The following GBP3 variants were observed in gnomAD, a reference collection of about 807,000 sequenced individuals.
GBP3 encodes guanylate-binding protein 3.
GBP3 carries 55 observed loss-of-function variants against 62.4 expected under a neutral mutation model. The observed-to-expected ratio is 0.88, with a 90% CI of 0.71 to 1.10. GBP3 has a LOEUF of 1.10. Ranked by LOEUF, GBP3 falls within the 50% of genes least tolerant of loss-of-function variation. GBP3 has a pLI of 0.00. For synonymous variants in GBP3, 208 were observed against 259.2 expected, an observed-to-expected ratio of 0.80 and a Z score of 1.90; for missense variants, 605 against 690.6, an observed-to-expected ratio of 0.88 and a Z score of 1.39.
chr1:89,021,796 A>AGAGAG (rs1679239479), intron 1 of GBP3, among the ~76,000 whole-genome samples: 1 of 123,278 alleles, frequency 8.1e-6, no homozygotes. Context: ...GATGAGAGAG[A>AGAGAG]GAGAGAGAGA....
At chr1:89,014,798 A>G in intron 3 of GBP3, 142 bp from the exon 4 acceptor site, 2 of 1,020,726 alleles carry the variant, frequency 2.0e-6, no homozygotes, top group African/African-American at 1.6e-5. Context: ...TCCAAACAAA[A>G]TGATTGTTAC....
chr1:89,008,885 TG>T (rs1678386115), intron 10 of GBP3, 61 bp downstream of exon 10: 2 of 1,610,852 alleles, frequency 1.2e-6, no homozygotes, highest in African/African-American at 2.7e-5. Context: ...ATACTAAGTT[TG>T]TGATCAGGAA....
chr1:89,016,772 C>T (rs1678910610), intron 2 of GBP3, among the ~76,000 whole-genome samples: 1 of 152,186 alleles, frequency 6.6e-6, no homozygotes, highest in Non-Finnish European at 1.5e-5. Flanking sequence ...ATGGGGTTTC[C>T]CCGTGTTGTC....
At chr1:89,013,118 A>G in intron 6 of GBP3, 67 bp downstream of exon 6, 1 of 1,547,286 alleles carries the variant, frequency 6.5e-7, no homozygotes, top group Non-Finnish European at 8.8e-7. Context: ...GATTACAGGC[A>G]TGAACCATCA....
At position 89,010,936 on chromosome 1, in the gene GBP3, T is replaced by G. The variant is rs1462403469; in HGVS notation, c.1330A>C (p.Lys444Gln). The G allele has an allele frequency of 5.5e-6, 8 of 1,461,658 alleles. 3 individuals carry two copies. In the Admixed American group the frequency reaches 7.2e-5, roughly 13 times the overall value. The allele number at this position is 1,461,658 out of a possible 1,614,324, so 90.5% of individuals were successfully genotyped here. ...FIQKLQDLEK[K>Q]YYEEPRKGIQ... ...CCCTTCCTTGGTTCCTCATAGTACT[T>G]TTTCTCCAGGTCTTGTAGCTTCTGA... The change falls in exon 8 of 11, where the codon AAG becomes CAG. Residue 444 changes from lysine (K) to glutamine (Q), a missense_variant. Around this residue, in one of 3 missense-constraint regions of GBP3, gnomAD observed 137 missense variants for 224.7 expected, o/e 0.61. Coordinates refer to ENST00000370481, the MANE Select transcript of GBP3 (RefSeq NM_018284.3).
Position 89,013,403 on chromosome 1 carries a change from A to C in GBP3, c.650T>G (p.Phe217Cys). The C allele has an allele frequency of 1.2e-6, 2 of 1,611,604 alleles. No individual in the cohort carries two copies. Among genetic ancestry groups the C allele is most frequent in the Non-Finnish European group, 1.7e-6 (2 of 1,179,314 alleles). ...TQGTSQKDKN[F>C]NLPRLCIRKF... ...CCGGATACAGAGTCGGGGCAGATTA[A>C]AATTTTTATCTTTTTGACTGGTACC... The change falls in exon 6 of 11, where the codon TTT (phenylalanine) becomes TGT (cysteine). Residue 217 changes from phenylalanine to cysteine, a missense_variant. Phe to Cys is a radical substitution (Grantham distance 205). This residue lies in a region of GBP3 where 308 missense variants were observed against 318.0 expected (regional missense o/e 0.97). Coordinates refer to ENST00000370481, the MANE Select transcript of GBP3 (RefSeq NM_018284.3).
chr1:89,007,666 A>G lies in GBP3; in HGVS notation c.*58T>C. 1 of 1,531,456 alleles carries G rather than the reference A, an allele frequency of 6.5e-7. No homozygotes were observed. Among genetic ancestry groups the G allele is most frequent in the Non-Finnish European group, 8.9e-7 (1 of 1,129,464 alleles). The allele number at this position is 1,531,456 out of a possible 1,614,324, so 94.9% of individuals were successfully genotyped here. A position where few individuals can be genotyped will look rare whatever the true frequency, so the allele number is the denominator to read the frequency against. ...TATCAAATATAGTGACACTTGTTCC[A>G]AATTCTAAAATTGTTTCAGTTATGC... On this transcript the variant is annotated 3_prime_UTR_variant, in exon 11 of 11. Transcript: ENST00000370481.
intron 1 of GBP3, among the ~76,000 whole-genome samples, chr1:89,021,545 C>CACACACACACACA (rs1553178197): frequency 4.2e-5 from 2 of 47,516 alleles, no homozygotes; most frequent in African/African-American, 7.7e-5. Flanking sequence ...CACACACACA[C>CACACACACACACA]CCCAAAAAAA....
At chr1:89,010,861 T>C (rs749267299) in intron 8 of GBP3, 43 bp downstream of exon 8, 2 of 1,461,198 alleles carry the variant, frequency 1.4e-6, no homozygotes, top group South Asian at 2.4e-5. Context: ...TCGTAGGAGG[T>C]AGGTCAGCAG....
rs1349137511 is a variant in GBP3, at chr1:89,011,991, A to G, written c.905T>C (p.Ile302Thr). The change falls in exon 7 of 11, where the codon ATC (isoleucine) becomes ACC (threonine). Residue 302 changes from isoleucine (I) to threonine (T), a missense_variant. Transcript: ENST00000370481. ...ESLVLTYINA[I>T]SRGDLPCMEN... is the part of the protein sequence containing the mutation. ...CATGCAGGGCAGATCCCCTCTGCTG[A>G]TAGCATTGATATAGGTCAGCACTAG... 4 of 1,462,560 alleles carry G rather than the reference A, an allele frequency of 2.7e-6. 1 individual carries two copies. The highest frequency in any genetic ancestry group is 2.3e-5 in the East Asian group (1 of 43,224). 90.6% of individuals were successfully genotyped at this position (1,462,560 alleles called of 1,614,324 possible). A position where few individuals can be genotyped will look rare whatever the true frequency, so the allele number is the denominator to read the frequency against.
chr1:89,011,811 G>A lies in GBP3; in HGVS notation c.1085C>T (p.Ala362Val). ...LDLHRVSERE[A>V]TEVYMKNSFK... ...AGAGTTCTTCATATAGACTTCAGTGGCCTCCCTCTCACTAACCCTGTGCAG... is the reference window on the plus strand; with the variant it reads ...AGAGTTCTTCATATAGACTTCAGTGACCTCCCTCTCACTAACCCTGTGCAG... The change falls in exon 7 of 11, where the codon GCC (alanine) becomes GTC (valine). Residue 362 changes from alanine (A) to valine (V), a missense_variant. By Grantham distance (64) the Ala-to-Val change is moderately conservative. Coordinates refer to ENST00000370481, the MANE Select transcript of GBP3 (RefSeq NM_018284.3). 1 of 1,462,098 alleles carries A rather than the reference G, an allele frequency of 6.8e-7. No individual in the cohort carries two copies. The highest frequency in any genetic ancestry group is 1.2e-5 in the South Asian group (1 of 84,770). 90.6% of individuals were successfully genotyped at this position (1,462,098 alleles called of 1,614,324 possible). A position where few individuals can be genotyped will look rare whatever the true frequency, so the allele number is the denominator to read the frequency against.
At chr1:89,021,544 A>ACCC (rs57313061) in intron 1 of GBP3, among the ~76,000 whole-genome samples, 1 of 140,948 alleles carries the variant, frequency 7.1e-6, no homozygotes, top group Non-Finnish European at 1.6e-5. Flanking sequence ...ACACACACAC[A>ACCC]CCCCAAAAAA....
intron 1 of GBP3, among the ~76,000 whole-genome samples, chr1:89,021,082 T>G (rs1046607912): frequency 2.0e-5 from 3 of 152,156 alleles, no homozygotes; most frequent in Non-Finnish European, 4.4e-5. Context: ...TGGCTATATG[T>G]AAGAAATTAA....
chr1:89,009,385 T>G lies in GBP3; in HGVS notation c.1465+7A>C, dbSNP rs1678423967. ...AGGATAATCTGATCCTTTGACTTGCTCCTCACCTTCAATCTCCTTTTCCTT... is the reference window on the plus strand; with the variant it reads ...AGGATAATCTGATCCTTTGACTTGCGCCTCACCTTCAATCTCCTTTTCCTT... On this transcript the variant is annotated splice_region_variant and intron_variant, in intron 9 of 10. Coordinates refer to ENST00000370481, the MANE Select transcript of GBP3 (RefSeq NM_018284.3). The G allele has an allele frequency of 6.2e-7, 1 of 1,613,006 alleles. No homozygotes were observed. The highest frequency in any genetic ancestry group is 1.3e-5 in the African/African-American group (1 of 74,906).
At chr1:89,021,830 AGAAAG>A (rs1679248358) in intron 1 of GBP3, among the ~76,000 whole-genome samples, 8 of 107,510 alleles carry the variant, frequency 7.4e-5, no homozygotes, top group Admixed American at 6.9e-4. Context: ...AGAGAGAGAG[AGAAAG>A]TGCCAGCAAG....
chr1:89,021,510 G>GCGCGCGCGCACACA (rs751639388), intron 1 of GBP3, among the ~76,000 whole-genome samples: 11 of 131,738 alleles, frequency 8.3e-5, no homozygotes, highest in African/African-American at 3.3e-4. Flanking sequence ...GCGCGCGCGC[G>GCGCGCGCGCACACA]CACACACACA....
intron 10 of GBP3, among the ~76,000 whole-genome samples, 170 bp from the exon 11 acceptor site, chr1:89,008,022 T>C (rs1678329996): frequency 6.6e-6 from 1 of 152,162 alleles, no homozygotes; most frequent in African/African-American, 2.4e-5. Context: ...TGTGATTATT[T>C]CTCCTGGGTT....
Position 89,014,536 on chromosome 1 carries a change from C to A in GBP3, c.428+11G>T. 2 of 1,614,058 alleles carry A rather than the reference C, an allele frequency of 1.2e-6. No homozygotes were observed. The highest frequency in any genetic ancestry group is 3.3e-5 in the Admixed American group (2 of 60,014). ...CTGACCTTGGTGCTGTTCTGGGTCA[C>A]AAAAGGATACTACAGTTGGTCCATA... is the stretch of plus-strand genomic sequence containing the variant. On this transcript the variant is annotated intron_variant, in intron 4 of 10. Transcript: ENST00000370481.
rs1287041223 is a variant in GBP3, at chr1:89,022,845, A to G, written c.-184T>C. The G allele has an allele frequency of 6.6e-6, 1 of 152,234 alleles. No homozygotes were observed. The highest frequency in any genetic ancestry group is 2.4e-5 in the African/African-American group (1 of 41,462). The allele number at this position is 152,234 out of a possible 1,614,324, so 9.4% of individuals were successfully genotyped here. On this transcript the variant is annotated 5_prime_UTR_variant, in exon 1 of 11. Coordinates refer to ENST00000370481, the MANE Select transcript of GBP3 (RefSeq NM_018284.3). ...GTTAAGCAACCTTTGTAATGGCTTCAGAGCCTAATGAAACTGAAAGTACTT... is the reference window on the plus strand; with the variant it reads ...GTTAAGCAACCTTTGTAATGGCTTCGGAGCCTAATGAAACTGAAAGTACTT...
Sources: allele counts gnomAD v4.1 joint callset (sites outside exome capture counted in the v4.1 genomes callset), GRCh38; gene constraint gnomAD v4.1.1; regional missense constraint gnomAD v4.1.1; transcripts MANE v1.5; gene names NCBI Gene and HGNC (gene_info 2026-07-23, HGNC 2026-07-21).